DENND1A: variants seen among roughly 807,000 people sequenced by gnomAD.
DENND1A encodes the protein DENN domain containing 1A.
DENND1A carries 51 observed loss-of-function variants against 113.7 expected under a neutral mutation model. The ratio of observed to expected loss-of-function variants is 0.45; its 90% CI spans 0.36 to 0.57. DENND1A has a LOEUF of 0.57. Among genes scored for constraint, DENND1A ranks in the 20% least tolerant of loss-of-function variants. The probability of loss-of-function intolerance (pLI) is 0.00; values close to 1 mark genes in which losing one functional copy is unlikely to be tolerated. For missense variants in DENND1A, 1,258 were observed against 1,395.9 expected (o/e 0.90, Z 1.57); for synonymous variants, 565 against 570.8 (o/e 0.99, Z 0.14).
At chr9:123,811,880 G>A (rs918011127) in intron 2 of DENND1A, among the ~76,000 whole-genome samples, 3 of 152,176 alleles carry the variant, frequency 2.0e-5, no homozygotes, top group African/African-American at 7.2e-5. Flanking sequence ...TTAATAATTT[G>A]TAATTGGACC....
At chr9:123,511,312 G>A (rs879366860) in intron 13 of DENND1A, among the ~76,000 whole-genome samples, 1 of 152,218 alleles carries the variant, frequency 6.6e-6, no homozygotes, top group Non-Finnish European at 1.5e-5. Context: ...CCTGAGCCTA[G>A]GCTATGGTGA....
intron 4 of DENND1A, among the ~76,000 whole-genome samples, chr9:123,758,363 T>C (rs1204532261): frequency 6.6e-6 from 1 of 152,236 alleles, no homozygotes; most frequent in Non-Finnish European, 1.5e-5. Context: ...CATATATGCG[T>C]AGACCATCTC....
At position 123,630,567 on chromosome 9, in the gene DENND1A, A is replaced by G. The variant is rs535241616; in HGVS notation, c.619-91T>C. 5 of 814,124 alleles carry G rather than the reference A, an allele frequency of 6.1e-6. No homozygotes were observed. In the East Asian group the frequency reaches 1.3e-4, roughly 21 times the overall value. The allele number at this position is 814,124 out of a possible 1,614,324, so 50.4% of individuals were successfully genotyped here. A position where few individuals can be genotyped will look rare whatever the true frequency, so the allele number is the denominator to read the frequency against. ...AGCAATACAATTCTATAATTCTTCA[A>G]TATGTTTACATGATAAGCTGAAAAA... On this transcript the variant is annotated intron_variant, in intron 9 of 23. Transcript: ENST00000394215.
intron 5 of DENND1A, among the ~76,000 whole-genome samples, chr9:123,687,634 T>C (rs1425121754): frequency 6.6e-6 from 1 of 152,218 alleles, no homozygotes; most frequent in Non-Finnish European, 1.5e-5. Context: ...GACGGGAAAC[T>C]GGTCTGCTCT....
At chr9:123,629,908 A>T (rs577416235) in intron 10 of DENND1A, among the ~76,000 whole-genome samples, 1 of 152,306 alleles carries the variant, frequency 6.6e-6, no homozygotes, top group East Asian at 1.9e-4. Flanking sequence ...TGCTTCCCCC[A>T]AACTGAGAAA....
chr9:123,450,151 C>T (rs2132652553), intron 18 of DENND1A, among the ~76,000 whole-genome samples: 1 of 152,236 alleles, frequency 6.6e-6, no homozygotes, highest in East Asian at 1.9e-4. Context: ...CAGAGCCCTC[C>T]CCTCCCCACT....
intron 9 of DENND1A, among the ~76,000 whole-genome samples, chr9:123,649,060 G>T (rs2062499957): frequency 6.6e-6 from 1 of 151,974 alleles, no homozygotes; most frequent in African/African-American, 2.4e-5. Context: ...ATTCTTTTTT[G>T]TCAAGTATGT....
At chr9:123,774,214 C>A (rs1219486445) in intron 3 of DENND1A, among the ~76,000 whole-genome samples, 1 of 152,074 alleles carries the variant, frequency 6.6e-6, no homozygotes, top group Non-Finnish European at 1.5e-5. Flanking sequence ...AGCAGTGCCA[C>A]TGACTTGAAA....
intron 12 of DENND1A, among the ~76,000 whole-genome samples, chr9:123,560,163 G>C (rs1196883416): frequency 1.3e-5 from 2 of 152,192 alleles, no homozygotes; most frequent in African/African-American, 4.8e-5. Context: ...TCATGTGCAA[G>C]CTTTTGTGTG....
intron 5 of DENND1A, among the ~76,000 whole-genome samples, chr9:123,701,588 T>C (rs2065888065): frequency 6.6e-6 from 1 of 152,156 alleles, no homozygotes; most frequent in African/African-American, 2.4e-5. Context: ...GCAGCCCCTA[T>C]AACACAGATT....
At chr9:123,925,438 T>A (rs1169997055) in intron 1 of DENND1A, among the ~76,000 whole-genome samples, 1 of 152,204 alleles carries the variant, frequency 6.6e-6, no homozygotes, top group Non-Finnish European at 1.5e-5. Context: ...ATCTCCACCA[T>A]TGCAATTAAC....
intron 16 of DENND1A, among the ~76,000 whole-genome samples, chr9:123,453,481 T>C (rs1301360390): frequency 2.0e-5 from 3 of 152,176 alleles, no homozygotes; most frequent in African/African-American, 7.2e-5. Flanking sequence ...CCCATGAGTG[T>C]ATCATCAGAG....
At chr9:123,674,309 C>T (rs2063912121) in intron 6 of DENND1A, among the ~76,000 whole-genome samples, 1 of 150,826 alleles carries the variant, frequency 6.6e-6, no homozygotes, top group Non-Finnish European at 1.5e-5. Context: ...GCTTAGCCAT[C>T]ACAATCTCTC....
chr9:123,666,283 A>G (rs1192712060), intron 8 of DENND1A, among the ~76,000 whole-genome samples: 1 of 152,252 alleles, frequency 6.6e-6, no homozygotes, highest in Admixed American at 6.5e-5. Flanking sequence ...TCTACATAGT[A>G]CTATTTATAA....
At chr9:123,811,555 C>G (rs1836608203) in intron 2 of DENND1A, among the ~76,000 whole-genome samples, 2 of 152,122 alleles carry the variant, frequency 1.3e-5, no homozygotes, top group Non-Finnish European at 2.9e-5. Context: ...GTCAGGAGAT[C>G]AAGACCATTG....
chr9:123,872,580 A>G (rs957494233), intron 2 of DENND1A, among the ~76,000 whole-genome samples: 1 of 152,198 alleles, frequency 6.6e-6, no homozygotes, highest in African/African-American at 2.4e-5. Context: ...AACAGTAGTT[A>G]TTGAGTGATA....
intron 21 of DENND1A, among the ~76,000 whole-genome samples, chr9:123,388,290 C>T (rs1043273205): frequency 1.3e-5 from 2 of 152,174 alleles, no homozygotes; most frequent in East Asian, 1.9e-4. Flanking sequence ...ACTGCAATCA[C>T]ACCACATTCG....
At chr9:123,808,359 G>A (rs1172367539) in intron 2 of DENND1A, among the ~76,000 whole-genome samples, 1 of 151,030 alleles carries the variant, frequency 6.6e-6, no homozygotes, top group East Asian at 1.9e-4. Context: ...GTTTCAGTAA[G>A]TCTAAAATAG....
chr9:123,460,814 A>T lies in DENND1A; in HGVS notation c.994-2917T>A, dbSNP rs150257821. On this transcript the variant is annotated intron_variant, in intron 13 of 23. Coordinates refer to ENST00000394215, the MANE Select transcript of DENND1A (RefSeq NM_001352964.2). ...AAAATGCAAATTAGACCACATCACT[A>T]TCCTACTCAGGAACTCTGCATAGAT... 1.6e-4 allele frequency among the ~76,000 whole-genome samples: 25 copies of T among 152,322 alleles called. No individual in the cohort carries two copies. In the East Asian group the frequency reaches 3.7e-3, roughly 22 times the overall value.
Sources: gnomAD v4.1 joint callset for allele counts (sites outside exome capture counted in the v4.1 genomes callset) on GRCh38, gnomAD v4.1.1 for gene constraint, MANE v1.5 for transcripts, NCBI Gene and HGNC (gene_info 2026-07-23, HGNC 2026-07-21) for gene names.